FILIP1: variants seen among roughly 807,000 people sequenced by gnomAD.
FILIP1 encodes the protein filamin-A-interacting protein 1.
Under a neutral mutation model 102.1 loss-of-function variants are expected in FILIP1, and 61 were observed. The observed-to-expected ratio is 0.60, with a 90% CI of 0.49 to 0.74. The LOEUF is 0.74. FILIP1 is among the 30% of genes least tolerant of loss of function. The pLI, the probability that FILIP1 is intolerant of heterozygous loss-of-function variation, is 0.00. For synonymous variants in FILIP1, 491 were observed against 526.9 expected, an observed-to-expected ratio of 0.93 and a Z score of 0.93; for missense variants, 1,314 against 1,441.2, an observed-to-expected ratio of 0.91 and a Z score of 1.43.
chr6:75,459,154 C>T (rs948674277), intron 1 of FILIP1, among the ~76,000 whole-genome samples: 6 of 152,200 alleles, frequency 3.9e-5, no homozygotes, highest in Non-Finnish European at 8.8e-5. Context: ...TCTAATGACA[C>T]TATACACTGT....
chr6:75,357,335 A>C (rs1225638009), intron 3 of FILIP1: 1 of 152,260 alleles, frequency 6.6e-6, no homozygotes, highest in Non-Finnish European at 1.5e-5. Flanking sequence ...AAAAAACAGC[A>C]CATGGAAGTA....
intron 1 of FILIP1, among the ~76,000 whole-genome samples, chr6:75,416,906 A>G (rs895197181): frequency 5.9e-5 from 9 of 152,186 alleles, no homozygotes; most frequent in African/African-American, 2.2e-4. Context: ...GTATTATGTT[A>G]CATGCATTTA....
intron 1 of FILIP1, among the ~76,000 whole-genome samples, chr6:75,469,489 A>G (rs1779269715): frequency 6.6e-6 from 1 of 152,012 alleles, no homozygotes; most frequent in South Asian, 2.1e-4. Flanking sequence ...AGGTCCACAG[A>G]ATTTCATAGG....
At chr6:75,317,514 C>T (rs1773483419) in intron 4 of FILIP1, among the ~76,000 whole-genome samples, 1 of 152,084 alleles carries the variant, frequency 6.6e-6, no homozygotes, top group Non-Finnish European at 1.5e-5. Flanking sequence ...TATATTTAAC[C>T]AATAAATATT....
chr6:75,402,126 AC>A (rs1776679630), intron 2 of FILIP1, among the ~76,000 whole-genome samples: 1 of 152,180 alleles, frequency 6.6e-6, no homozygotes. Flanking sequence ...TCTCAATAAA[AC>A]TAAAGTTCTC....
chr6:75,319,071 T>G (rs1407205261), intron 4 of FILIP1: 1 of 742,090 alleles, frequency 1.3e-6, no homozygotes, highest in African/African-American at 1.7e-5. Context: ...CTTCTTCACC[T>G]TCTTCCTCCT....
chr6:75,324,420 C>A (rs1773766317), intron 4 of FILIP1, among the ~76,000 whole-genome samples: 1 of 148,740 alleles, frequency 6.7e-6, no homozygotes, highest in Non-Finnish European at 1.5e-5. Context: ...CTACAAAACA[C>A]TGCTGAAAGA....
chr6:75,483,167 T>C (rs1779691467), intron 1 of FILIP1, among the ~76,000 whole-genome samples: 1 of 152,184 alleles, frequency 6.6e-6, no homozygotes, highest in Non-Finnish European at 1.5e-5. Context: ...ACTTACAGAA[T>C]CAATCAGAAA....
chr6:75,440,987 C>CTT (rs930308096), intron 1 of FILIP1, among the ~76,000 whole-genome samples: 1 of 141,220 alleles, frequency 7.1e-6, no homozygotes, highest in Non-Finnish European at 1.6e-5. Flanking sequence ...GTAAAACTTC[C>CTT]TTTTTTTTTT....
chr6:75,406,641 T>C (rs145707504), intron 2 of FILIP1, among the ~76,000 whole-genome samples: 1 of 150,382 alleles, frequency 6.6e-6, no homozygotes, highest in African/African-American at 2.4e-5. Flanking sequence ...ATTCCTCAAA[T>C]CTCTCGAATA....
intron 4 of FILIP1, among the ~76,000 whole-genome samples, chr6:75,350,069 C>T (rs900772681): frequency 3.9e-5 from 6 of 152,090 alleles, no homozygotes; most frequent in African/African-American, 1.4e-4. Context: ...CAGAGAAATT[C>T]AGAGACGCCA....
intron 1 of FILIP1, among the ~76,000 whole-genome samples, chr6:75,479,678 G>T (rs994975660): frequency 1.3e-5 from 2 of 151,788 alleles, no homozygotes; most frequent in African/African-American, 4.8e-5. Flanking sequence ...AGACCAGTCA[G>T]GTCAACATGG....
intron 2 of FILIP1, among the ~76,000 whole-genome samples, chr6:75,410,774 A>C (rs1276996911): frequency 6.6e-6 from 1 of 152,176 alleles, no homozygotes; most frequent in African/African-American, 2.4e-5. Context: ...TATATGTGCC[A>C]CATTTTCTTT....
Position 75,362,927 on chromosome 6 carries a change from A to G in FILIP1, c.277-10T>C, listed in dbSNP as rs774314269. On this transcript the variant is annotated splice_polypyrimidine_tract_variant and intron_variant, in intron 2 of 5. Coordinates refer to ENST00000237172, the MANE Select transcript of FILIP1 (RefSeq NM_015687.5). The stretch of plus-strand genomic sequence containing the variant: ...TCACATCTTCTCTGGCCTGTAATAG[A>G]AAGTGCAGCAAGATCAGACGACTGA... 2.5e-6 allele frequency: 4 copies of G among 1,611,912 alleles called. No homozygotes were observed. Among genetic ancestry groups the G allele is most frequent in the South Asian group, 1.1e-5 (1 of 91,032 alleles).
chr6:75,484,014 A>C (rs937504100), intron 1 of FILIP1, among the ~76,000 whole-genome samples: 3 of 152,132 alleles, frequency 2.0e-5, no homozygotes, highest in Admixed American at 6.6e-5. Flanking sequence ...TTTATTGTTT[A>C]TTATGATTGT....
intron 2 of FILIP1, among the ~76,000 whole-genome samples, chr6:75,369,014 C>G (rs1775431229): frequency 6.6e-6 from 1 of 152,186 alleles, no homozygotes; most frequent in African/African-American, 2.4e-5. Context: ...AATCACTGCT[C>G]TAGGACAGAT....
chr6:75,429,249 T>C (rs965127239), intron 1 of FILIP1, among the ~76,000 whole-genome samples: 4 of 152,104 alleles, frequency 2.6e-5, no homozygotes, highest in Non-Finnish European at 4.4e-5. Flanking sequence ...CCGAAACCAA[T>C]TGAGTTTGGG....
intron 2 of FILIP1, among the ~76,000 whole-genome samples, chr6:75,384,304 C>T (rs550923865): frequency 6.6e-6 from 1 of 152,064 alleles, no homozygotes; most frequent in Non-Finnish European, 1.5e-5. Flanking sequence ...TAAATCAAAC[C>T]TTTACCAGAC....
chr6:75,347,577 G>A (rs1023310435), intron 4 of FILIP1, among the ~76,000 whole-genome samples: 16 of 152,118 alleles, frequency 1.1e-4, no homozygotes, highest in African/African-American at 3.9e-4. Flanking sequence ...TTTGAGATAT[G>A]GCCACTAAAC....
Sources: allele counts gnomAD v4.1 joint callset (sites outside exome capture counted in the v4.1 genomes callset), GRCh38; gene constraint gnomAD v4.1.1; transcripts MANE v1.5; gene names NCBI Gene and HGNC (gene_info 2026-07-23, HGNC 2026-07-21).